EMP2: variants seen among roughly 807,000 people sequenced by gnomAD.
The protein encoded by EMP2 is epithelial membrane protein 2.
EMP2 carries 19 observed loss-of-function variants against 13.7 expected under a neutral mutation model. The observed-to-expected ratio is 1.38, with a 90% CI of 0.97 to 2.03. The LOEUF (loss-of-function observed/expected upper bound fraction) is 2.03, where lower values mean the gene tolerates loss of function less well. Ranked by LOEUF, EMP2 falls within the 30% of genes most tolerant of loss-of-function variation. The pLI, the probability that EMP2 is intolerant of heterozygous loss-of-function variation, is 0.00. For missense variants in EMP2, 253 were observed against 220.7 expected, an observed-to-expected ratio of 1.15 and a Z score of -0.93; for synonymous variants, 97 against 84.7, an observed-to-expected ratio of 1.15 and a Z score of -0.80.
chr16:10,560,846 C>A (rs533374176), intron 1 of EMP2, among the ~76,000 whole-genome samples: 72 of 152,308 alleles, frequency 4.7e-4, no homozygotes, highest in Non-Finnish European at 9.0e-4. Flanking sequence ...ACGTTCCGGG[C>A]TGGGCCCCAA....
chr16:10,549,883 C>CTTTTTTTTTTTTTTTTTT (rs59259895), intron 1 of EMP2, among the ~76,000 whole-genome samples: 18 of 112,274 alleles, frequency 1.6e-4, no homozygotes, highest in Non-Finnish European at 2.5e-4. Flanking sequence ...TTTTCTTTTT[C>CTTTTTTTTTTTTTTTTTT]TTTTTTTTTT....
In EMP2 at chr16:10,528,460, A is replaced by G. The variant is rs2050572533; in HGVS notation, c.*4445T>C. 2 of 152,192 alleles carry G rather than the reference A, an allele frequency of 1.3e-5. No homozygotes were observed. The highest frequency in any genetic ancestry group is 6.5e-5 in the Admixed American group (1 of 15,270). The allele number at this position is 152,192 out of a possible 1,614,324, so 9.4% of individuals were successfully genotyped here. A position where few individuals can be genotyped will look rare whatever the true frequency, so the allele number is the denominator to read the frequency against. ...TGTCCATTTATCAGTTGCTTAGTGTAAAAACCATACATTATTATCTTGATG... is the reference window on the plus strand; with the variant it reads ...TGTCCATTTATCAGTTGCTTAGTGTGAAAACCATACATTATTATCTTGATG... On this transcript the variant is annotated 3_prime_UTR_variant, in exon 5 of 5. Coordinates refer to ENST00000359543, the MANE Select transcript of EMP2 (RefSeq NM_001424.6).
intron 1 of EMP2, among the ~76,000 whole-genome samples, chr16:10,565,842 T>G (rs879283651): frequency 6.6e-6 from 1 of 152,130 alleles, no homozygotes; most frequent in African/African-American, 2.4e-5. Context: ...GGCTATGAGG[T>G]GGCCATGCTG....
chr16:10,540,549 T>C (rs1366527216), intron 3 of EMP2, among the ~76,000 whole-genome samples: 1 of 111,718 alleles, frequency 9.0e-6, no homozygotes, highest in Non-Finnish European at 1.8e-5. Context: ...TAGATTTCTC[T>C]AAGGACCTCA....
intron 1 of EMP2, chr16:10,576,816 A>AG (rs1174303172): frequency 2.0e-5 from 3 of 152,218 alleles, no homozygotes; most frequent in African/African-American, 7.2e-5. Context: ...CACGGGAAGG[A>AG]GGGAGGGACT....
intron 1 of EMP2, among the ~76,000 whole-genome samples, chr16:10,547,898 G>A (rs1306740804): frequency 1.3e-5 from 2 of 151,970 alleles, no homozygotes; most frequent in African/African-American, 4.8e-5. Flanking sequence ...AGCTGGGCGT[G>A]GTCGTCATAC....
chr16:10,529,797 G>C lies in EMP2; in HGVS notation c.*3108C>G, dbSNP rs1173350907. 6.6e-6 allele frequency: 1 copy of C among 152,108 alleles called. No individual in the cohort carries two copies. The highest frequency in any genetic ancestry group is 1.5e-5 in the Non-Finnish European group (1 of 68,084). 9.4% of individuals were successfully genotyped at this position (152,108 alleles called of 1,614,324 possible). A position where few individuals can be genotyped will look rare whatever the true frequency, so the allele number is the denominator to read the frequency against. On this transcript the variant is annotated 3_prime_UTR_variant, in exon 5 of 5. Transcript: ENST00000359543. Reference sequence around the variant, plus strand: ...AATACAAAAATTAGCTGGGCATGGTGGGACATGCCTGTAATCCCAGCTACT... The same window carrying C: ...AATACAAAAATTAGCTGGGCATGGTCGGACATGCCTGTAATCCCAGCTACT...
intron 1 of EMP2, among the ~76,000 whole-genome samples, chr16:10,557,689 G>A (rs2050841335): frequency 6.6e-6 from 1 of 152,174 alleles, no homozygotes; most frequent in African/African-American, 2.4e-5. Flanking sequence ...TTGATGCATT[G>A]TAGATACCAT....
chr16:10,576,504 TG>T (rs1324092944), intron 1 of EMP2: 1 of 151,884 alleles, frequency 6.6e-6, no homozygotes, highest in Non-Finnish European at 1.5e-5. Flanking sequence ...ATATCCTGCA[TG>T]GTGATGGCGA....
At chr16:10,578,185 A>G (rs1006294709) in intron 1 of EMP2, 1 of 152,174 alleles carries the variant, frequency 6.6e-6, no homozygotes, top group Non-Finnish European at 1.5e-5. Context: ...GGAAGGCTGT[A>G]TAGCAGAGGC....
At position 10,543,641 on chromosome 16, in the gene EMP2, T is replaced by G. The variant is rs760178750; in HGVS notation, c.98A>C (p.Glu33Ala). Reference sequence around the variant, plus strand: ...TATTCTCCAGACATCTGCAAAAAACTCATCTCCTACCCACCAGGCCTGTAA... The same window carrying G: ...TATTCTCCAGACATCTGCAAAAAACGCATCTCCTACCCACCAGGCCTGTAA... ...TVDNAWWVGD[E>A]FFADVWRICT... is the part of the protein sequence containing the mutation. The change falls in exon 3 of 5, where the codon GAG becomes GCG. Residue 33 changes from glutamate to alanine, a missense_variant. By Grantham distance (107) the Glu-to-Ala change is moderately radical. Coordinates refer to ENST00000359543, the MANE Select transcript of EMP2 (RefSeq NM_001424.6). 2.9e-4 allele frequency: 466 copies of G among 1,614,066 alleles called. 1 individual carries two copies. Among genetic ancestry groups the G allele is most frequent in the Non-Finnish European group, 3.8e-4 (448 of 1,180,032 alleles).
At chr16:10,538,290 G>C (rs2050666769) in intron 3 of EMP2, among the ~76,000 whole-genome samples, 1 of 152,166 alleles carries the variant, frequency 6.6e-6, no homozygotes, top group Non-Finnish European at 1.5e-5. Context: ...GACAATCCTC[G>C]ACCCCTTATC....
intron 1 of EMP2, among the ~76,000 whole-genome samples, chr16:10,558,054 G>C (rs866306853): frequency 6.7e-6 from 1 of 148,872 alleles, no homozygotes; most frequent in Admixed American, 6.7e-5. Flanking sequence ...TTTTTAAACA[G>C]GATCTCTCTC....
chr16:10,564,199 A>AG (rs2050891651), intron 1 of EMP2, among the ~76,000 whole-genome samples: 5 of 152,202 alleles, frequency 3.3e-5, no homozygotes, highest in African/African-American at 1.2e-4. Context: ...TCTTATGGAA[A>AG]GGTAATTCTG....
chr16:10,575,239 T>C (rs1479587595), intron 1 of EMP2, among the ~76,000 whole-genome samples: 1 of 12,012 alleles, frequency 8.3e-5, no homozygotes, highest in Non-Finnish European at 1.9e-4. Context: ...CTTGCATTCT[T>C]TTTTTTTTTT....
In EMP2 at chr16:10,547,539, C is replaced by G. The variant is rs747072310; in HGVS notation, c.78+1G>C. 53 of 1,613,876 alleles carry G rather than the reference C, an allele frequency of 3.3e-5. No individual in the cohort carries two copies. The highest frequency in any genetic ancestry group is 1.3e-4 in the Admixed American group (8 of 59,972). On this transcript the variant is annotated splice_donor_variant, in intron 2 of 4. Transcript: ENST00000359543. LOFTEE classifies it high-confidence loss of function. ...CGTGAGTGGCAGGAAAGGAAACTTA[C>G]ATTGTCGACGGTGGCAATGAACAGC...
chr16:10,558,367 G>C (rs918990987), intron 1 of EMP2, among the ~76,000 whole-genome samples: 6 of 152,128 alleles, frequency 3.9e-5, no homozygotes, highest in African/African-American at 1.4e-4. Context: ...GAAGGATAGT[G>C]CTCCCAGAAA....
At chr16:10,571,255 CAAAAAAAAAAAAAAAAAA>C (rs58665715) in intron 1 of EMP2, among the ~76,000 whole-genome samples, 2 of 33,420 alleles carry the variant, frequency 6.0e-5, no homozygotes, top group Non-Finnish European at 1.2e-4. Flanking sequence ...GACTCCGTCT[CAAAAAAAAAAAAAAAAAA>C]AAAAAAAAAA....
rs74007148 is a variant in EMP2, at chr16:10,532,807, C to G, written c.*98G>C. The G allele has an allele frequency of 1.7e-3, 354 of 203,962 alleles. 1 individual carries two copies. Among genetic ancestry groups the G allele is most frequent in the African/African-American group, 8.5e-3 (258 of 30,286 alleles). 12.6% of individuals were successfully genotyped at this position (203,962 alleles called of 1,614,324 possible). The stretch of plus-strand genomic sequence containing the variant: ...TTTTTGGCTTTTAAAGGAAACAATA[C>G]GTTTGCTAGAAAAACCTCAAAAAAT... On this transcript the variant is annotated 3_prime_UTR_variant, in exon 5 of 5. Transcript: ENST00000359543.
Sources: allele counts gnomAD v4.1 joint callset (sites outside exome capture counted in the v4.1 genomes callset), GRCh38; gene constraint gnomAD v4.1.1; transcripts MANE v1.5; gene names NCBI Gene and HGNC (gene_info 2026-07-23, HGNC 2026-07-21).